Variants in FCHSD2 observed in about 807,000 individuals in gnomAD.
The protein encoded by FCHSD2 is FCH and double SH3 domains 2, also known as F-BAR and double SH3 domains protein 2.
In FCHSD2, 38 loss-of-function variants were observed where a neutral mutation model predicts 108.1. That is an observed-to-expected ratio of 0.35 (90% CI 0.27 to 0.46). The LOEUF (loss-of-function observed/expected upper bound fraction) is 0.46, where lower values mean the gene tolerates loss of function less well. Ranked by LOEUF, FCHSD2 falls within the 20% of genes least tolerant of loss-of-function variation. The pLI is 1.00. For synonymous variants in FCHSD2, 279 were observed against 314.7 expected, an observed-to-expected ratio of 0.89 and a Z score of 1.20; for missense variants, 751 against 897.8, an observed-to-expected ratio of 0.84 and a Z score of 2.09.
At chr11:72,880,684 G>A (rs1353279524) in intron 12 of FCHSD2, among the ~76,000 whole-genome samples, 3 of 151,962 alleles carry the variant, frequency 2.0e-5, no homozygotes. Context: ...GGGAGGCTGA[G>A]GCGGGTGGAT....
rs1451373784 is a variant in FCHSD2 at position 72,912,561 on chromosome 11, C to A, written c.828+9267G>T. ...TGAGGATTTTTGCATTAATGTTCAT[C>A]AGGGATACTGGCTTGTAGTTTTTAT... On this transcript the variant is annotated intron_variant, in intron 9 of 19. Coordinates refer to ENST00000409418, the MANE Select transcript of FCHSD2 (RefSeq NM_014824.3). 3.9e-5 allele frequency among the ~76,000 whole-genome samples: 6 copies of A among 152,248 alleles called. 1 individual carries two copies. Among genetic ancestry groups the A allele is most frequent in the Middle Eastern group, 6.8e-3 (2 of 294 alleles).
intron 2 of FCHSD2, among the ~76,000 whole-genome samples, chr11:73,139,337 G>A (rs1378525262): frequency 6.6e-6 from 1 of 152,152 alleles, no homozygotes; most frequent in Non-Finnish European, 1.5e-5. Context: ...GCTTCACCAT[G>A]CAAATCATCT....
chr11:72,987,549 AT>A (rs1473848390), intron 6 of FCHSD2, among the ~76,000 whole-genome samples: 1 of 152,204 alleles, frequency 6.6e-6, no homozygotes, highest in East Asian at 1.9e-4. Flanking sequence ...ATAAAGTGGC[AT>A]TCCTTACTCT....
chr11:72,922,421 T>C (rs1442045548), intron 8 of FCHSD2, among the ~76,000 whole-genome samples: 1 of 151,814 alleles, frequency 6.6e-6, no homozygotes, highest in African/African-American at 2.4e-5. Context: ...ATAGAAATAT[T>C]AAAAAAAGAA....
chr11:72,998,603 T>C (rs1857564322), intron 5 of FCHSD2, among the ~76,000 whole-genome samples: 1 of 152,000 alleles, frequency 6.6e-6, no homozygotes, highest in Non-Finnish European at 1.5e-5. Flanking sequence ...TTCAAGGTAA[T>C]GTAATAAGTT....
intron 8 of FCHSD2, chr11:72,983,699 AT>A (rs1857259124): frequency 3.1e-6 from 1 of 324,532 alleles, no homozygotes; most frequent in Non-Finnish European, 6.0e-6. Context: ...ATACCTGAAG[AT>A]TCTGCCTAGC....
At chr11:73,128,614 A>G (rs1026430469) in intron 2 of FCHSD2, among the ~76,000 whole-genome samples, 14 of 152,242 alleles carry the variant, frequency 9.2e-5, no homozygotes, top group Admixed American at 2.6e-4. Flanking sequence ...AAAAATTTGC[A>G]TAAGGAGAAA....
At chr11:72,936,313 T>C (rs566438305) in intron 8 of FCHSD2, among the ~76,000 whole-genome samples, 9 of 152,360 alleles carry the variant, frequency 5.9e-5, no homozygotes, top group African/African-American at 1.2e-4. Flanking sequence ...ACTTGAGCAG[T>C]AGAACTGCTC....
intron 2 of FCHSD2, among the ~76,000 whole-genome samples, chr11:73,135,198 C>T (rs1475056916): frequency 1.3e-5 from 2 of 152,180 alleles, no homozygotes; most frequent in Non-Finnish European, 2.9e-5. Flanking sequence ...ATATTTTTTA[C>T]AACTGGACTC....
At chr11:73,059,720 C>CTT (rs144510546) in intron 3 of FCHSD2, among the ~76,000 whole-genome samples, 2 of 151,368 alleles carry the variant, frequency 1.3e-5, no homozygotes, top group Non-Finnish European at 2.9e-5. Context: ...GGTTTTCTTT[C>CTT]TTTTTTTTTC....
chr11:73,133,011 A>C (rs1861039415), intron 2 of FCHSD2, among the ~76,000 whole-genome samples: 1 of 152,230 alleles, frequency 6.6e-6, no homozygotes, highest in East Asian at 1.9e-4. Flanking sequence ...AAGCACATGA[A>C]AAAATGCTCA....
At chr11:73,049,139 GT>G (rs1265802515) in intron 3 of FCHSD2, among the ~76,000 whole-genome samples, 1 of 152,174 alleles carries the variant, frequency 6.6e-6, no homozygotes, top group African/African-American at 2.4e-5. Context: ...AGACGTAGTG[GT>G]TTTTGAGTTT....
intron 8 of FCHSD2, among the ~76,000 whole-genome samples, chr11:72,966,643 A>G (rs1234291622): frequency 6.6e-6 from 1 of 152,176 alleles, no homozygotes; most frequent in African/African-American, 2.4e-5. Context: ...ACAGATATAT[A>G]TGTCAGTTAC....
intron 12 of FCHSD2, among the ~76,000 whole-genome samples, chr11:72,881,393 G>C (rs1385206952): frequency 6.6e-6 from 1 of 152,156 alleles, no homozygotes; most frequent in African/African-American, 2.4e-5. Context: ...AATAACAAGT[G>C]CTAGTGAAGA....
chr11:72,923,379 G>A (rs1364725648), intron 8 of FCHSD2, among the ~76,000 whole-genome samples: 1 of 152,128 alleles, frequency 6.6e-6, no homozygotes, highest in East Asian at 1.9e-4. Context: ...CTGTCAAACT[G>A]TTTTCCAGTG....
chr11:73,126,930 C>G (rs1860873222), intron 2 of FCHSD2, among the ~76,000 whole-genome samples: 1 of 152,070 alleles, frequency 6.6e-6, no homozygotes, highest in African/African-American at 2.4e-5. Flanking sequence ...CCTAGCTACT[C>G]AGGAGGCCAA....
intron 3 of FCHSD2, among the ~76,000 whole-genome samples, chr11:73,067,791 A>C (rs1859331168): frequency 6.6e-6 from 1 of 152,252 alleles, no homozygotes; most frequent in South Asian, 2.1e-4. Context: ...ATTTCACATG[A>C]AATCATTGAG....
At chr11:73,082,482 T>C (rs1394505209) in intron 3 of FCHSD2, among the ~76,000 whole-genome samples, 2 of 152,024 alleles carry the variant, frequency 1.3e-5, no homozygotes, top group African/African-American at 2.4e-5. Context: ...TAGTTCTGTC[T>C]AGCTTTCAAG....
At chr11:73,005,721 A>G (rs1440992597) in intron 4 of FCHSD2, among the ~76,000 whole-genome samples, 13 of 152,080 alleles carry the variant, frequency 8.5e-5, no homozygotes, top group Admixed American at 8.5e-4. Context: ...AGCTGACTGT[A>G]GCCTCAAACG....
Sources: gnomAD v4.1 joint callset for allele counts (sites outside exome capture counted in the v4.1 genomes callset) on GRCh38, gnomAD v4.1.1 for gene constraint, MANE v1.5 for transcripts, NCBI Gene and HGNC (gene_info 2026-07-23, HGNC 2026-07-21) for gene names.